The following NSL1 variants were observed in gnomAD, a reference collection of about 807,000 sequenced individuals.
NSL1 encodes the protein kinetochore-associated protein NSL1 homolog.
A neutral mutation model predicts 25.4 loss-of-function variants in NSL1; 11 were observed. The observed-to-expected ratio is 0.43, with a 90% CI of 0.27 to 0.72. The LOEUF is 0.72. Among genes scored for constraint, NSL1 ranks in the 30% least tolerant of loss-of-function variants. The pLI, the probability that NSL1 is intolerant of heterozygous loss-of-function variation, is 0.19. For synonymous variants in NSL1, 118 were observed against 120.6 expected, an observed-to-expected ratio of 0.98 and a Z score of 0.14; for missense variants, 330 against 342.7, an observed-to-expected ratio of 0.96 and a Z score of 0.29.
At chr1:212,778,891 G>C (rs542810997) in intron 4 of NSL1, among the ~76,000 whole-genome samples, 1 of 150,444 alleles carries the variant, frequency 6.6e-6, no homozygotes, top group East Asian at 2.0e-4. Flanking sequence ...CCCTCTGCCC[G>C]GCTGCCCAGT....
chr1:212,748,415 T>A (rs1231944106), intron 4 of NSL1, among the ~76,000 whole-genome samples: 3 of 152,326 alleles, frequency 2.0e-5, no homozygotes, highest in Non-Finnish European at 4.4e-5. Context: ...AAATGTGGTA[T>A]AAGAATGTTC....
chr1:212,772,741 C>T (rs1037961544), intron 4 of NSL1, among the ~76,000 whole-genome samples: 2 of 151,976 alleles, frequency 1.3e-5, no homozygotes. Context: ...GTCCGAATAG[C>T]CAAAGCAATA....
At chr1:212,753,493 C>T (rs1659161541) in intron 4 of NSL1, among the ~76,000 whole-genome samples, 1 of 152,142 alleles carries the variant, frequency 6.6e-6, no homozygotes, top group African/African-American at 2.4e-5. Flanking sequence ...CTAAACACAC[C>T]ACCCTAAAGC....
intron 4 of NSL1, among the ~76,000 whole-genome samples, chr1:212,770,237 T>C (rs1018933775): frequency 6.6e-6 from 1 of 151,960 alleles, no homozygotes; most frequent in Non-Finnish European, 1.5e-5. Context: ...ACAATAGTAG[T>C]CAAGGACTTC....
In NSL1 at chr1:212,791,771, C is replaced by T. The variant is rs1558071667; in HGVS notation, c.-8G>A. 6.2e-7 allele frequency: 1 copy of T among 1,601,668 alleles called. No homozygotes were observed. The highest frequency in any genetic ancestry group is 8.5e-7 in the Non-Finnish European group (1 of 1,172,428). On this transcript the variant is annotated 5_prime_UTR_variant, in exon 1 of 6. Transcript: ENST00000366977. ...CTCAGGAGACCCCGCCATTTTTCGT[C>T]GGAACTGTGGGCGGGGCACTCTGGG... is the stretch of plus-strand genomic sequence containing the variant.
chr1:212,778,279 T>G (rs1167189547), intron 4 of NSL1, among the ~76,000 whole-genome samples: 1 of 152,264 alleles, frequency 6.6e-6, no homozygotes. Context: ...GGGGAGAATC[T>G]GTCTGCTTTA....
rs1571861483 is a variant in NSL1, at chr1:212,737,744, T to C, written c.*664A>G. The C allele has an allele frequency of 1.0e-6, 1 of 984,350 alleles. No homozygotes were observed. 61.0% of individuals were successfully genotyped at this position (984,350 alleles called of 1,614,324 possible). The stretch of plus-strand genomic sequence containing the variant: ...AATGGTCTATAGAAAAAAGTGAGTG[T>C]GGGCAGGAAACATTGGCTACATGCC... On this transcript the variant is annotated 3_prime_UTR_variant, in exon 6 of 6. Coordinates refer to ENST00000366977, the MANE Select transcript of NSL1 (RefSeq NM_015471.4).
chr1:212,736,219 G>T lies in NSL1; in HGVS notation c.*2189C>A. On this transcript the variant is annotated 3_prime_UTR_variant, in exon 6 of 6. Coordinates refer to ENST00000366977, the MANE Select transcript of NSL1 (RefSeq NM_015471.4). ...CACCCTGCTAATTTTTGTATTTTTT[G>T]TAGAAATGGAGTTTCACTATGTTGC... The T allele has an allele frequency of 6.1e-6, 4 of 660,564 alleles. No homozygotes were observed. The highest frequency in any genetic ancestry group is 7.5e-6 in the Non-Finnish European group (4 of 533,542). The allele number at this position is 660,564 out of a possible 1,614,324, so 40.9% of individuals were successfully genotyped here.
intron 4 of NSL1, among the ~76,000 whole-genome samples, chr1:212,759,882 A>G (rs571557840): frequency 2.0e-4 from 31 of 151,972 alleles, no homozygotes; most frequent in African/African-American, 7.2e-4. Flanking sequence ...TGAAGCGCAC[A>G]CTCCTCAGAG....
chr1:212,776,792 T>G (rs1660393206), intron 4 of NSL1, among the ~76,000 whole-genome samples: 1 of 151,580 alleles, frequency 6.6e-6, no homozygotes, highest in Non-Finnish European at 1.5e-5. Context: ...AACTAAAAAA[T>G]AGAGCTGAAC....
At position 212,730,605 on chromosome 1, in the gene NSL1, A is replaced by C; in HGVS notation, c.*7803T>G. ...TCTCTAGCTATCCCAGGCCACCCAG[A>C]AGTCAGGGGATGTGACCAAAGGAAA... On this transcript the variant is annotated 3_prime_UTR_variant, in exon 6 of 6. Coordinates refer to ENST00000366977, the MANE Select transcript of NSL1 (RefSeq NM_015471.4). 3 of 985,380 alleles carry C rather than the reference A, an allele frequency of 3.0e-6. No individual in the cohort carries two copies. Among genetic ancestry groups the C allele is most frequent in the Non-Finnish European group, 3.6e-6 (3 of 829,912 alleles). The allele number at this position is 985,380 out of a possible 1,614,324, so 61.0% of individuals were successfully genotyped here.
At chr1:212,771,131 T>C (rs887774868) in intron 4 of NSL1, among the ~76,000 whole-genome samples, 2 of 152,034 alleles carry the variant, frequency 1.3e-5, no homozygotes, top group African/African-American at 2.4e-5. Context: ...CTGACCAACA[T>C]GGAGAAACCC....
chr1:212,753,744 T>C (rs1001689170), intron 4 of NSL1, among the ~76,000 whole-genome samples: 2 of 152,200 alleles, frequency 1.3e-5, no homozygotes, highest in African/African-American at 4.8e-5. Context: ...AATATAATAT[T>C]AAAAAACTCA....
At chr1:212,775,758 T>C (rs1277554587) in intron 4 of NSL1, among the ~76,000 whole-genome samples, 1 of 151,920 alleles carries the variant, frequency 6.6e-6, no homozygotes, top group African/African-American at 2.4e-5. Flanking sequence ...ACTTACAAAA[T>C]TTGGGAATTT....
In NSL1 at chr1:212,731,186, G is replaced by GAA. The variant is rs35088304; in HGVS notation, c.*7220_*7221dup. 0.02 allele frequency: 18,004 copies of GAA among 885,222 alleles called. 15 individuals carry two copies. Among genetic ancestry groups the GAA allele is most frequent in the Non-Finnish European group, 0.022 (16,549 of 742,982 alleles). 54.8% of individuals were successfully genotyped at this position (885,222 alleles called of 1,614,324 possible). A position where few individuals can be genotyped will look rare whatever the true frequency, so the allele number is the denominator to read the frequency against. On this transcript the variant is annotated 3_prime_UTR_variant, in exon 6 of 6. Transcript: ENST00000366977. ...TTGCAAAACAAATGGTCAGAGGGGA[G>GAA]AAAAAAAAAAAAACCTGAAGAAACC...
At chr1:212,776,389 TAATA>T (rs1660372288) in intron 4 of NSL1, among the ~76,000 whole-genome samples, 2 of 150,918 alleles carry the variant, frequency 1.3e-5, no homozygotes, top group East Asian at 1.9e-4. Flanking sequence ...ATAATAATAA[TAATA>T]AATAAAATAA....
Position 212,784,487 on chromosome 1 carries a change from T to C in NSL1, c.320A>G (p.Asp107Gly). 6.5e-7 allele frequency: 1 copy of C among 1,535,580 alleles called. No homozygotes were observed. Residue 107 changes from aspartate (D) to glycine (G), a missense_variant, in exon 3 of 6, where the codon GAC (aspartate) becomes GGC (glycine). Asp to Gly is a moderately conservative substitution (Grantham distance 94). Transcript: ENST00000366977. Reference protein sequence around the residue: ...EASDNCFMDSDIKVLEDQFDE... With the variant: ...EASDNCFMDSGIKVLEDQFDE... ...AAACTGATCTTCAAGTACTTTGATG[T>C]CAGAATCTATTTGAGAAAAAAAAAT...
At chr1:212,771,719 A>G (rs2102383781) in intron 4 of NSL1, among the ~76,000 whole-genome samples, 1 of 152,294 alleles carries the variant, frequency 6.6e-6, no homozygotes, top group Non-Finnish European at 1.5e-5. Flanking sequence ...CCAATAATGA[A>G]CTAGCTAAAG....
chr1:212,738,409 C>T lies in NSL1; in HGVS notation c.845G>A (p.Ter282=), dbSNP rs1202779680. ...LRPKKINLDT[*] ...ACTCCCAAAATAAACAGAAAGAGCT[C>T]ATGTATCAAGATTAATTTTCTTTGG... Residue 282 remains the stop codon, a stop_retained_variant, in exon 6 of 6, where the codon TGA becomes TAA. Transcript: ENST00000366977. 1.2e-6 allele frequency: 2 copies of T among 1,609,506 alleles called. No individual in the cohort carries two copies. Among genetic ancestry groups the T allele is most frequent in the Admixed American group, 1.7e-5 (1 of 59,222 alleles).
Sources: gnomAD v4.1 joint callset for allele counts (sites outside exome capture counted in the v4.1 genomes callset) on GRCh38, gnomAD v4.1.1 for gene constraint, MANE v1.5 for transcripts, NCBI Gene and HGNC (gene_info 2026-07-23, HGNC 2026-07-21) for gene names.